Variants in DYM observed in about 807,000 individuals in gnomAD.
The protein encoded by DYM is dymeclin, also known as dyggve-Melchior-Clausen syndrome protein.
Under a neutral mutation model 93.1 loss-of-function variants are expected in DYM, and 78 were observed. That is an observed-to-expected ratio of 0.84 (90% CI 0.70 to 1.01). DYM has a LOEUF of 1.01. DYM is among the 50% of genes least tolerant of loss of function. The probability of loss-of-function intolerance (pLI) is 0.00; values close to 1 mark genes in which losing one functional copy is unlikely to be tolerated. For synonymous variants in DYM, 321 were observed against 319.7 expected, an observed-to-expected ratio of 1.00 and a Z score of -0.04; for missense variants, 789 against 845.0, an observed-to-expected ratio of 0.93 and a Z score of 0.82.
At chr18:49,114,733 G>T in intron 16 of DYM, 1 of 215,964 alleles carries the variant, frequency 4.6e-6, no homozygotes, top group Non-Finnish European at 7.9e-6. Flanking sequence ...AGATTCTCCT[G>T]ACTCAGTCTC....
At chr18:49,341,815 T>C (rs890646279) in intron 6 of DYM, among the ~76,000 whole-genome samples, 3 of 152,244 alleles carry the variant, frequency 2.0e-5, no homozygotes, top group Admixed American at 2.0e-4. Context: ...AAATAGTAGG[T>C]ATTTAACAAA....
chr18:49,295,610 C>T (rs1414760184), intron 8 of DYM, among the ~76,000 whole-genome samples: 1 of 152,122 alleles, frequency 6.6e-6, no homozygotes, highest in Non-Finnish European at 1.5e-5. Context: ...AGCAAGCCTG[C>T]CTCTAGACTA....
intron 14 of DYM, among the ~76,000 whole-genome samples, chr18:49,199,181 G>C (rs1221321651): frequency 6.6e-6 from 1 of 152,082 alleles, no homozygotes; most frequent in Non-Finnish European, 1.5e-5. Flanking sequence ...TGAACAATGA[G>C]AACACTTGGA....
chr18:49,192,416 T>C (rs2091064917), intron 14 of DYM, among the ~76,000 whole-genome samples: 1 of 152,200 alleles, frequency 6.6e-6, no homozygotes, highest in Non-Finnish European at 1.5e-5. Context: ...GGTCTTATGC[T>C]GAAGATGTTA....
At chr18:49,165,485 T>C (rs968595719) in intron 14 of DYM, among the ~76,000 whole-genome samples, 2 of 152,080 alleles carry the variant, frequency 1.3e-5, no homozygotes, top group African/African-American at 4.8e-5. Context: ...TAAATATCAA[T>C]TTAGGAAAAT....
chr18:49,084,951 G>A (rs1322531890), intron 17 of DYM, among the ~76,000 whole-genome samples: 2 of 152,072 alleles, frequency 1.3e-5, no homozygotes, highest in African/African-American at 2.4e-5. Context: ...GGGACTTCTG[G>A]GCTGTTGGCA....
At chr18:49,393,363 A>T (rs1259501010) in intron 2 of DYM, among the ~76,000 whole-genome samples, 1 of 152,216 alleles carries the variant, frequency 6.6e-6, no homozygotes, top group Non-Finnish European at 1.5e-5. Context: ...ACTCGTGTCC[A>T]TGGCAGCTCC....
chr18:49,067,252 T>C (rs1218645922), intron 17 of DYM, among the ~76,000 whole-genome samples: 147 of 100,780 alleles, frequency 1.5e-3, no homozygotes, highest in Admixed American at 2.4e-3. Flanking sequence ...GGTGACATGT[T>C]ATGGAGGTTC....
intron 10 of DYM, among the ~76,000 whole-genome samples, chr18:49,280,500 C>T (rs896331337): frequency 2.0e-5 from 3 of 152,126 alleles, no homozygotes; most frequent in Non-Finnish European, 4.4e-5. Flanking sequence ...CAGATGGCAG[C>T]GACCGAGATG....
At chr18:49,318,581 C>T (rs1338821305) in intron 8 of DYM, among the ~76,000 whole-genome samples, 5 of 151,876 alleles carry the variant, frequency 3.3e-5, no homozygotes, top group African/African-American at 7.3e-5. Context: ...GAGATGGCGC[C>T]GCTGCACTCC....
At chr18:49,045,784 G>C (rs1055397006) in intron 17 of DYM, among the ~76,000 whole-genome samples, 1 of 152,176 alleles carries the variant, frequency 6.6e-6, no homozygotes, top group Non-Finnish European at 1.5e-5. Context: ...CTGGGTGTGA[G>C]GCTGGAGGCT....
intron 15 of DYM, among the ~76,000 whole-genome samples, chr18:49,162,515 C>G (rs569075934): frequency 1.7e-4 from 26 of 149,266 alleles, no homozygotes; most frequent in Middle Eastern, 3.5e-3. Context: ...ATCTATTGAT[C>G]CATGAATTCA....
chr18:49,125,933 C>G (rs2082777127), intron 15 of DYM, among the ~76,000 whole-genome samples: 2 of 152,200 alleles, frequency 1.3e-5, no homozygotes, highest in African/African-American at 4.8e-5. Flanking sequence ...CATCAGCAAC[C>G]TCAAGTGTCC....
intron 16 of DYM, among the ~76,000 whole-genome samples, chr18:49,112,179 C>A (rs1256456748): frequency 7.5e-6 from 1 of 133,320 alleles, no homozygotes; most frequent in African/African-American, 2.6e-5. Flanking sequence ...GCTTTTGCAC[C>A]ATATGAAAGA....
At chr18:49,112,854 G>C (rs1471883041) in intron 16 of DYM, among the ~76,000 whole-genome samples, 4 of 152,126 alleles carry the variant, frequency 2.6e-5, no homozygotes, top group Non-Finnish European at 5.9e-5. Context: ...TCTGTGCCTA[G>C]AGTGCTCTGT....
chr18:49,120,336 T>C (rs1194169392), intron 15 of DYM, among the ~76,000 whole-genome samples: 1 of 152,118 alleles, frequency 6.6e-6, no homozygotes, highest in Non-Finnish European at 1.5e-5. Context: ...ATGCTATCTA[T>C]GAGAAACTTC....
intron 6 of DYM, among the ~76,000 whole-genome samples, chr18:49,337,538 T>C (rs925921815): frequency 2.0e-5 from 3 of 152,240 alleles, no homozygotes; most frequent in African/African-American, 4.8e-5. Flanking sequence ...GAGCTGCTAC[T>C]GGTTTTCTCT....
rs2070786249 is a variant in DYM at position 49,038,502 on chromosome 18, G to A, written c.*5553C>T. 6.6e-6 allele frequency among the ~76,000 whole-genome samples: 1 copy of A among 152,116 alleles called. No individual in the cohort carries two copies. Among genetic ancestry groups the A allele is most frequent in the African/African-American group, 2.4e-5 (1 of 41,418 alleles). On this transcript the variant is annotated 3_prime_UTR_variant, in exon 18 of 18. Coordinates refer to ENST00000675505, the MANE Select transcript of DYM (RefSeq NM_001353214.3). ...AGTTTCCTCATGGTTACTGTTTGCT[G>A]GGTATGTATTTCTCCATCTTTTTCT...
intron 13 of DYM, among the ~76,000 whole-genome samples, chr18:49,228,764 G>A (rs1394983326): frequency 3.3e-5 from 5 of 152,078 alleles, no homozygotes; most frequent in Non-Finnish European, 2.9e-5. Flanking sequence ...AAATGGGTGA[G>A]GTGCAATGAA....
Sources: gnomAD v4.1 joint callset for allele counts (sites outside exome capture counted in the v4.1 genomes callset) on GRCh38, gnomAD v4.1.1 for gene constraint, MANE v1.5 for transcripts, NCBI Gene and HGNC (gene_info 2026-07-23, HGNC 2026-07-21) for gene names.